SYNE2: variants seen among roughly 807,000 people sequenced by gnomAD.
SYNE2 encodes the protein spectrin repeat containing nuclear envelope protein 2, also known as nesprin-2.
A neutral mutation model predicts 856.3 loss-of-function variants in SYNE2; 431 were observed. The observed-to-expected ratio is 0.50, with a 90% confidence interval of 0.47 to 0.55. The LOEUF (loss-of-function observed/expected upper bound fraction) is 0.55. Ranked by LOEUF, SYNE2 falls within the 20% of genes least tolerant of loss-of-function variation. The probability of loss-of-function intolerance (pLI) is 0.00; values close to 1 mark genes in which losing one functional copy is unlikely to be tolerated. For missense variants in SYNE2, 8,129 were observed against 8,023.2 expected, an observed-to-expected ratio of 1.01 and a Z score of -0.50; for synonymous variants, 2,923 against 2,872.3, an observed-to-expected ratio of 1.02 and a Z score of -0.56.
At chr14:64,105,849 C>G (rs1168165492) in intron 64 of SYNE2, among the ~76,000 whole-genome samples, 2 of 151,742 alleles carry the variant, frequency 1.3e-5, no homozygotes, top group East Asian at 3.9e-4. Flanking sequence ...AGCTTGAGCT[C>G]AGGAGTTCAA....
intron 19 of SYNE2, 61 bp from the exon 20 acceptor site, chr14:63,990,346 TTTGA>T: frequency 1.3e-6 from 2 of 1,527,350 alleles, no homozygotes; most frequent in Non-Finnish European, 1.8e-6. Flanking sequence ...CTGAGATTGT[TTTGA>T]TTAATGTTTA....
intron 21 of SYNE2, among the ~76,000 whole-genome samples, chr14:63,992,719 A>G (rs1454549382): frequency 6.6e-6 from 1 of 152,164 alleles, no homozygotes; most frequent in Non-Finnish European, 1.5e-5. Flanking sequence ...AACAGAAGCA[A>G]GATCCCTGCC....
At chr14:63,875,349 T>C (rs751859195) in intron 1 of SYNE2, among the ~76,000 whole-genome samples, 39 of 152,218 alleles carry the variant, frequency 2.6e-4, no homozygotes, top group Non-Finnish European at 4.4e-4. Flanking sequence ...GAATGGCCCT[T>C]CCTTCTCATA....
intron 99 of SYNE2, chr14:64,202,392 GCTGCA>G: frequency 1.5e-6 from 1 of 666,962 alleles, no homozygotes; most frequent in Non-Finnish European, 2.7e-6. Context: ...ATCACCGGCT[GCTGCA>G]GTCTCAGGCA....
At chr14:64,146,394 A>G (rs1486414908) in intron 84 of SYNE2, among the ~76,000 whole-genome samples, 171 bp downstream of exon 84, 2 of 152,170 alleles carry the variant, frequency 1.3e-5, no homozygotes, top group Non-Finnish European at 2.9e-5. Context: ...ACAAAATTGC[A>G]AAGTGCCGTT....
intron 66 of SYNE2, among the ~76,000 whole-genome samples, chr14:64,118,642 C>A (rs887716708): frequency 6.6e-6 from 1 of 152,042 alleles, no homozygotes; most frequent in East Asian, 1.9e-4. Flanking sequence ...GTGGGCAGAT[C>A]ACGAGGTCAG....
In SYNE2 at chr14:63,941,724, A is replaced by G; in HGVS notation, c.171A>G (p.Leu57=). The G allele has an allele frequency of 6.2e-7, 1 of 1,614,138 alleles. No individual in the cohort carries two copies. The highest frequency in any genetic ancestry group is 8.5e-7 in the Non-Finnish European group (1 of 1,179,980). Residue 57 remains leucine (L), a synonymous_variant, in exon 4 of 116, where the codon CTA becomes CTG. Transcript: ENST00000555002. ...RHTSPSVISD[L]FTDIKKGHVL... ...CTTCTCCCTCAGTTATATCCGACCT[A>G]TTCACAGACATTAAAAAGGGGCATG...
At chr14:64,078,809 C>T (rs1281700836) in intron 55 of SYNE2, among the ~76,000 whole-genome samples, 3 of 152,162 alleles carry the variant, frequency 2.0e-5, no homozygotes, top group African/African-American at 4.8e-5. Flanking sequence ...CGGTGACCCA[C>T]GCCTGTAATC....
At chr14:64,089,536 AATAT>A (rs2097591110) in intron 58 of SYNE2, 34 bp from the exon 59 acceptor site, 1 of 1,585,478 alleles carries the variant, frequency 6.3e-7, no homozygotes, top group Admixed American at 1.7e-5. Flanking sequence ...ATTAATATAC[AATAT>A]ATATTGCATC....
intron 90 of SYNE2, among the ~76,000 whole-genome samples, chr14:64,166,574 G>A (rs1057164827): frequency 2.3e-4 from 35 of 152,312 alleles, no homozygotes; most frequent in Middle Eastern, 3.4e-3. Context: ...TCATCACTCT[G>A]TGCTTGACCT....
intron 67 of SYNE2, among the ~76,000 whole-genome samples, chr14:64,119,979 A>G (rs1286163592): frequency 6.6e-6 from 1 of 152,230 alleles, no homozygotes; most frequent in Non-Finnish European, 1.5e-5. Flanking sequence ...TGTGACTAAA[A>G]TTTGACATCA....
chr14:63,951,617 TTTAA>T (rs1290567918), intron 7 of SYNE2, among the ~76,000 whole-genome samples: 1 of 152,210 alleles, frequency 6.6e-6, no homozygotes, highest in Non-Finnish European at 1.5e-5. Context: ...CTTACTTTTC[TTTAA>T]TTGTCATTCG....
intron 1 of SYNE2, among the ~76,000 whole-genome samples, chr14:63,805,512 C>T (rs931465268): frequency 2.0e-5 from 3 of 152,122 alleles, no homozygotes; most frequent in East Asian, 1.9e-4. Flanking sequence ...TCAGCCTCTC[C>T]GAGTAGCTGG....
At chr14:64,131,173 A>G (rs905149196) in intron 76 of SYNE2, among the ~76,000 whole-genome samples, 11 of 152,198 alleles carry the variant, frequency 7.2e-5, no homozygotes, top group Admixed American at 2.6e-4. Context: ...GGAGGGGAAG[A>G]GGAGAAAATA....
chr14:63,931,019 G>A (rs2095746809), intron 2 of SYNE2, among the ~76,000 whole-genome samples: 1 of 152,144 alleles, frequency 6.6e-6, no homozygotes, highest in African/African-American at 2.4e-5. Flanking sequence ...GTGGGACTGA[G>A]CCCTTAACGT....
In SYNE2 at chr14:64,165,339, CTTA is replaced by C. The variant is rs777703003; in HGVS notation, c.16539_16541del (p.Ile5513del). Reference sequence around the variant, plus strand: ...AGTCCGGCTGGAATCTTTAAAAGGTCTTATTATGCATGAAGAAGAGAATTTGGA... The same window carrying C: ...AGTCCGGCTGGAATCTTTAAAAGGTCTTATGCATGAAGAAGAGAATTTGGA... On this transcript the variant is annotated inframe_deletion, in exon 90 of 116. Transcript: ENST00000555002. 1.2e-6 allele frequency: 2 copies of C among 1,613,630 alleles called. No individual in the cohort carries two copies. Among genetic ancestry groups the C allele is most frequent in the Non-Finnish European group, 1.7e-6 (2 of 1,179,768 alleles).
At chr14:63,836,106 C>T (rs1481386058) in intron 1 of SYNE2, among the ~76,000 whole-genome samples, 3 of 152,136 alleles carry the variant, frequency 2.0e-5, no homozygotes, top group Non-Finnish European at 2.9e-5. Context: ...AATGCAGCCT[C>T]GACTTCCTTG....
At chr14:64,064,294 C>T (rs780827747) in intron 50 of SYNE2, among the ~76,000 whole-genome samples, 1 of 152,142 alleles carries the variant, frequency 6.6e-6, no homozygotes, top group East Asian at 1.9e-4. Context: ...ACATATACAG[C>T]ATGATGTGCT....
Position 64,051,978 on chromosome 14 carries a change from C to T in SYNE2, c.8065C>T (p.Gln2689Ter). The T allele has an allele frequency of 6.2e-7, 1 of 1,613,870 alleles. No individual in the cohort carries two copies. Among genetic ancestry groups the T allele is most frequent in the Non-Finnish European group, 8.5e-7 (1 of 1,180,012 alleles). Residue 2689 changes from glutamine (Q) to a stop codon, truncating the protein, a stop_gained, in exon 48 of 116, where the codon CAG becomes TAG. Coordinates refer to ENST00000555002, the MANE Select transcript of SYNE2 (RefSeq NM_182914.3). LOFTEE classifies it high-confidence loss of function. Reference protein sequence around the residue: ...FSVLKGQAELQMKRIWGEKEK... With the variant: ...FSVLKGQAEL ...TGTTTTAAAGGGGCAAGCTGAACTT[C>T]AGATGAAGAGGATTTGGGGAGAAAA... is the stretch of plus-strand genomic sequence containing the variant.
Sources: allele counts gnomAD v4.1 joint callset (sites outside exome capture counted in the v4.1 genomes callset), GRCh38; gene constraint gnomAD v4.1.1; transcripts MANE v1.5; gene names NCBI Gene and HGNC (gene_info 2026-07-23, HGNC 2026-07-21).